RALGPS2: variants seen among roughly 807,000 people sequenced by gnomAD.
RALGPS2 encodes the protein ras-specific guanine nucleotide-releasing factor RalGPS2.
A neutral mutation model predicts 86.8 loss-of-function variants in RALGPS2; 43 were observed. The ratio of observed to expected loss-of-function variants is 0.50; its 90% CI spans 0.39 to 0.64. The LOEUF (loss-of-function observed/expected upper bound fraction) is 0.64, where lower values mean the gene tolerates loss of function less well. Ranked by LOEUF, RALGPS2 falls within the 30% of genes least tolerant of loss-of-function variation. The pLI is 0.00. For missense variants in RALGPS2, 536 were observed against 694.6 expected (o/e 0.77, Z 2.57); for synonymous variants, 243 against 231.3 (o/e 1.05, Z -0.46).
At chr1:178,887,226 G>T (rs1659528728) in intron 13 of RALGPS2, among the ~76,000 whole-genome samples, 1 of 152,166 alleles carries the variant, frequency 6.6e-6, no homozygotes, top group African/African-American at 2.4e-5. Context: ...GCCCAGATGG[G>T]CAGATCTCTT....
chr1:178,843,289 G>A, intron 8 of RALGPS2, among the ~76,000 whole-genome samples: 1 of 132,854 alleles, frequency 7.5e-6, no homozygotes, highest in East Asian at 2.2e-4. Flanking sequence ...TTAAGAAAAT[G>A]TGGCACATAT....
intron 4 of RALGPS2, among the ~76,000 whole-genome samples, chr1:178,792,828 T>C (rs1252468592): frequency 6.6e-6 from 1 of 152,222 alleles, no homozygotes; most frequent in Admixed American, 6.5e-5. Context: ...AACTGTAAAC[T>C]GTAATTACAG....
intron 4 of RALGPS2, among the ~76,000 whole-genome samples, chr1:178,786,441 G>GA (rs1653652320): frequency 6.6e-6 from 1 of 151,988 alleles, no homozygotes; most frequent in African/African-American, 2.4e-5. Flanking sequence ...AAAGGATCAA[G>GA]AAACACATCA....
At chr1:178,830,445 G>A (rs1012623971) in intron 7 of RALGPS2, among the ~76,000 whole-genome samples, 5 of 152,100 alleles carry the variant, frequency 3.3e-5, no homozygotes, top group African/African-American at 4.8e-5. Context: ...ATTCTGATAC[G>A]TGTATGACAG....
intron 19 of RALGPS2, among the ~76,000 whole-genome samples, 167 bp from the exon 20 acceptor site, chr1:178,916,163 T>A (rs1013351352): frequency 1.3e-5 from 2 of 152,202 alleles, no homozygotes; most frequent in Admixed American, 6.5e-5. Context: ...CTCAAAAATG[T>A]TCTAGCATGT....
chr1:178,850,935 A>T (rs1301343430), intron 8 of RALGPS2: 6 of 447,684 alleles, frequency 1.3e-5, no homozygotes, highest in Non-Finnish European at 2.3e-5. Context: ...TTGTGGATAC[A>T]CATAATTTTC....
chr1:178,730,695 T>G lies in RALGPS2; in HGVS notation c.-84+5276T>G, dbSNP rs78198359. Among the ~76,000 whole-genome samples, 336 of 145,562 alleles carry G rather than the reference T, an allele frequency of 2.3e-3. 2 individuals are homozygous for G. The highest frequency in any genetic ancestry group is 7.6e-3 in the African/African-American group (302 of 39,812). ...CTTCATCATGATTCTGAGAATTCTG[T>G]TTTTTTTTTTGTTTTTTTTTTTGAG... On this transcript the variant is annotated intron_variant, in intron 1 of 19. Coordinates refer to ENST00000367635, the MANE Select transcript of RALGPS2 (RefSeq NM_152663.5).
intron 4 of RALGPS2, among the ~76,000 whole-genome samples, chr1:178,788,082 T>C (rs974353678): frequency 2.0e-5 from 3 of 152,336 alleles, no homozygotes; most frequent in South Asian, 2.1e-4. Context: ...GTCTAAGATA[T>C]ACTAGCCTTC....
intron 1 of RALGPS2, among the ~76,000 whole-genome samples, chr1:178,746,423 CTAAT>C (rs1385331798): frequency 4.6e-5 from 7 of 152,072 alleles, no homozygotes; most frequent in African/African-American, 1.5e-4. Context: ...GTAATCTCTC[CTAAT>C]TTATTTCTTG....
intron 18 of RALGPS2, among the ~76,000 whole-genome samples, chr1:178,902,768 GTATTT>G (rs1558179521): frequency 6.6e-6 from 1 of 152,026 alleles, no homozygotes; most frequent in African/African-American, 2.4e-5. Flanking sequence ...TTATTTAGAT[GTATTT>G]TATTCTAAAG....
chr1:178,904,016 GT>G (rs964297842), intron 18 of RALGPS2, among the ~76,000 whole-genome samples: 1 of 151,914 alleles, frequency 6.6e-6, no homozygotes, highest in Non-Finnish European at 1.5e-5. Flanking sequence ...AACATCTACT[GT>G]TTTTTTATTT....
chr1:178,755,523 CT>C (rs1320612905), intron 1 of RALGPS2, among the ~76,000 whole-genome samples: 2 of 152,134 alleles, frequency 1.3e-5, no homozygotes, highest in African/African-American at 2.4e-5. Flanking sequence ...TGATTTCATT[CT>C]TTTTTTATGG....
chr1:178,825,293 A>T (rs1655696660), intron 7 of RALGPS2, among the ~76,000 whole-genome samples: 1 of 152,164 alleles, frequency 6.6e-6, no homozygotes, highest in African/African-American at 2.4e-5. Flanking sequence ...GACGGAAAAT[A>T]TGAGAGTTGT....
intron 8 of RALGPS2, among the ~76,000 whole-genome samples, chr1:178,848,857 T>C (rs12119187): frequency 0.2 from 30,523 of 152,066 alleles, 4,884 homozygotes; most frequent in African/African-American, 0.45. Context: ...CTCAAACTCC[T>C]GAGCTCAAGT....
chr1:178,747,200 C>T (rs531748369), intron 1 of RALGPS2: 81 of 1,241,584 alleles, frequency 6.5e-5, no homozygotes, highest in African/African-American at 5.0e-4. Context: ...GCCTGCACTA[C>T]GGTGGATCAC....
intron 12 of RALGPS2, 143 bp from the exon 13 acceptor site, chr1:178,885,826 C>A: frequency 1.4e-6 from 1 of 691,866 alleles, no homozygotes; most frequent in Non-Finnish European, 2.3e-6. Flanking sequence ...AACATTTTCC[C>A]TAAACTGTTC....
chr1:178,784,353 T>C, intron 2 of RALGPS2, 65 bp from the exon 3 acceptor site: 1 of 1,304,700 alleles, frequency 7.7e-7, no homozygotes, highest in Non-Finnish European at 1.1e-6. Context: ...TTAAGGCCAA[T>C]CTAGTTTCTA....
intron 17 of RALGPS2, among the ~76,000 whole-genome samples, chr1:178,901,261 C>G (rs962706971): frequency 5.9e-5 from 9 of 152,050 alleles, no homozygotes. Context: ...GTTACTAGAA[C>G]CGTCAAAGCC....
At chr1:178,793,023 C>T (rs927818683) in intron 4 of RALGPS2, among the ~76,000 whole-genome samples, 1 of 152,118 alleles carries the variant, frequency 6.6e-6, no homozygotes, top group East Asian at 1.9e-4. Context: ...AAATCAGGGT[C>T]CAACACACAG....
Sources: allele counts gnomAD v4.1 joint callset (sites outside exome capture counted in the v4.1 genomes callset), GRCh38; gene constraint gnomAD v4.1.1; transcripts MANE v1.5; gene names NCBI Gene and HGNC (gene_info 2026-07-23, HGNC 2026-07-21).